The following MAGI2 variants were observed in gnomAD, a reference collection of about 807,000 sequenced individuals.
MAGI2 encodes the protein membrane associated guanylate kinase, WW and PDZ domain containing 2.
In MAGI2, 35 loss-of-function variants were observed where a neutral mutation model predicts 133.3. The observed-to-expected ratio is 0.26, with a 90% confidence interval of 0.20 to 0.35. The LOEUF (loss-of-function observed/expected upper bound fraction) is 0.35. Among genes scored for constraint, MAGI2 ranks in the 10% least tolerant of loss-of-function variants. MAGI2 has a pLI of 1.00. For synonymous variants in MAGI2, 729 were observed against 710.6 expected (o/e 1.03, Z -0.41); for missense variants, 1,636 against 1,863.4 (o/e 0.88, Z 2.25).
chr7:78,630,771 C>A (rs957401552), intron 2 of MAGI2, among the ~76,000 whole-genome samples: 1 of 152,156 alleles, frequency 6.6e-6, no homozygotes, highest in African/African-American at 2.4e-5. Context: ...ATTTTCCATT[C>A]ATTAATCATT....
intron 1 of MAGI2, among the ~76,000 whole-genome samples, chr7:79,042,932 C>T (rs1301631375): frequency 1.3e-5 from 2 of 151,956 alleles, no homozygotes; most frequent in Non-Finnish European, 2.9e-5. Flanking sequence ...CAAGAAGACC[C>T]CTCAAAACTA....
chr7:78,241,042 C>T (rs1791081580), intron 10 of MAGI2, among the ~76,000 whole-genome samples: 3 of 151,846 alleles, frequency 2.0e-5, no homozygotes, highest in Admixed American at 6.6e-5. Context: ...GTCTAATTTC[C>T]TCCTAGGAGG....
intron 2 of MAGI2, among the ~76,000 whole-genome samples, chr7:78,659,351 G>T (rs1812661690): frequency 6.7e-6 from 1 of 148,704 alleles, no homozygotes; most frequent in African/African-American, 2.5e-5. Context: ...CTTGAACCCG[G>T]GAGGTGAAGG....
chr7:78,696,639 G>C (rs1817541216), intron 2 of MAGI2, among the ~76,000 whole-genome samples: 1 of 151,756 alleles, frequency 6.6e-6, no homozygotes, highest in South Asian at 2.1e-4. Flanking sequence ...AAAGTAACAG[G>C]CTTCTTTTAT....
intron 6 of MAGI2, among the ~76,000 whole-genome samples, chr7:78,461,419 T>TGG (rs1384539412): frequency 6.9e-6 from 1 of 145,984 alleles, no homozygotes; most frequent in Non-Finnish European, 1.5e-5. Context: ...TGTGTGTGTG[T>TGG]GTGTGTTGGG....
At chr7:79,403,688 C>T (rs909070601) in intron 1 of MAGI2, among the ~76,000 whole-genome samples, 7 of 152,132 alleles carry the variant, frequency 4.6e-5, no homozygotes, top group African/African-American at 1.7e-4. Context: ...GTGTGTTCTA[C>T]TTCCGAAGCC....
intron 1 of MAGI2, among the ~76,000 whole-genome samples, chr7:79,407,230 T>G (rs1013104688): frequency 1.3e-5 from 2 of 152,204 alleles, no homozygotes; most frequent in Non-Finnish European, 1.5e-5. Context: ...TATTCAGAAC[T>G]GATGACTGGC....
intron 1 of MAGI2, among the ~76,000 whole-genome samples, chr7:79,249,510 A>G (rs1168123861): frequency 6.6e-6 from 1 of 152,192 alleles, no homozygotes; most frequent in African/African-American, 2.4e-5. Context: ...ATTAGAAGCT[A>G]CTATGAGCAA....
At chr7:79,394,818 G>T (rs991261913) in intron 1 of MAGI2, among the ~76,000 whole-genome samples, 3 of 152,040 alleles carry the variant, frequency 2.0e-5, no homozygotes, top group Non-Finnish European at 2.9e-5. Flanking sequence ...TTTCTCACTT[G>T]CTATTGATTT....
intron 3 of MAGI2, among the ~76,000 whole-genome samples, chr7:78,537,783 C>A (rs1024034774): frequency 2.0e-5 from 3 of 149,812 alleles, no homozygotes; most frequent in African/African-American, 7.4e-5. Context: ...GATTTTCTCC[C>A]ATTCTATGAA....
chr7:78,469,844 G>C (rs900864619), intron 6 of MAGI2, among the ~76,000 whole-genome samples: 1 of 152,092 alleles, frequency 6.6e-6, no homozygotes, highest in Non-Finnish European at 1.5e-5. Flanking sequence ...ATCATCGCAG[G>C]ATGGGATAAT....
intron 6 of MAGI2, among the ~76,000 whole-genome samples, chr7:78,480,213 A>T (rs887672790): frequency 5.3e-5 from 8 of 151,948 alleles, no homozygotes; most frequent in African/African-American, 1.7e-4. Context: ...CTTGAAAAAA[A>T]TCCCCAGGAC....
At chr7:79,322,664 T>C (rs1179431346) in intron 1 of MAGI2, among the ~76,000 whole-genome samples, 7 of 151,758 alleles carry the variant, frequency 4.6e-5, no homozygotes, top group Admixed American at 6.6e-5. Flanking sequence ...TGCACGCCTG[T>C]AGTCCCAGCT....
chr7:78,271,588 C>CT (rs1225435577), intron 9 of MAGI2, among the ~76,000 whole-genome samples: 3 of 152,158 alleles, frequency 2.0e-5, no homozygotes, highest in African/African-American at 7.2e-5. Context: ...TGGTCCTGGA[C>CT]TTTTTTTGGT....
chr7:78,028,438 G>A (rs1809181569), intron 21 of MAGI2, among the ~76,000 whole-genome samples: 1 of 152,224 alleles, frequency 6.6e-6, no homozygotes, highest in African/African-American at 2.4e-5. Context: ...CAAATCTCAT[G>A]GATAGGTGGG....
intron 4 of MAGI2, among the ~76,000 whole-genome samples, chr7:78,520,717 AG>A (rs1796422983): frequency 6.6e-6 from 1 of 152,184 alleles, no homozygotes; most frequent in Non-Finnish European, 1.5e-5. Flanking sequence ...TTAAGTAATA[AG>A]AAAAATGCAA....
In MAGI2 at chr7:78,031,558, T is replaced by C. The variant is rs1353757343; in HGVS notation, c.3707-11582A>G. 7.2e-5 allele frequency among the ~76,000 whole-genome samples: 11 copies of C among 152,346 alleles called. No homozygotes were observed. In the South Asian group the frequency reaches 1.9e-3, roughly 26 times the overall value. On this transcript the variant is annotated intron_variant, in intron 21 of 21. Transcript: ENST00000354212. ...GCCCAATGAGATGGATAATGAATTC[T>C]GAGTTCGTAGAGTTAGAAGAATCTG...
chr7:78,187,156 G>A (rs181698945), intron 12 of MAGI2, among the ~76,000 whole-genome samples: 7 of 152,126 alleles, frequency 4.6e-5, no homozygotes, highest in East Asian at 1.9e-4. Flanking sequence ...ATTACTAAAC[G>A]TCTCTAAAAC....
intron 6 of MAGI2, among the ~76,000 whole-genome samples, chr7:78,380,554 A>C (rs150563863): frequency 1.3e-5 from 2 of 152,204 alleles, no homozygotes; most frequent in Admixed American, 1.3e-4. Context: ...GAAACAACCG[A>C]ACTCATGAAT....
Sources: gnomAD v4.1 joint callset for allele counts (sites outside exome capture counted in the v4.1 genomes callset) on GRCh38, gnomAD v4.1.1 for gene constraint, MANE v1.5 for transcripts, NCBI Gene and HGNC (gene_info 2026-07-23, HGNC 2026-07-21) for gene names.